Variants in RGL4 observed in about 807,000 individuals in gnomAD.
RGL4 encodes ral guanine nucleotide dissociation stimulator like 4, also known as ral-GDS-related protein.
A neutral mutation model predicts 49.6 loss-of-function variants in RGL4; 41 were observed. The ratio of observed to expected loss-of-function variants is 0.83; its 90% CI spans 0.64 to 1.07. RGL4 has a LOEUF of 1.07. Among genes scored for constraint, RGL4 ranks in the 50% least tolerant of loss-of-function variants. The probability of loss-of-function intolerance (pLI) is 0.00; values close to 1 mark genes in which losing one functional copy is unlikely to be tolerated. For synonymous variants in RGL4, 255 were observed against 238.0 expected, an observed-to-expected ratio of 1.07 and a Z score of -0.66; for missense variants, 610 against 591.9, an observed-to-expected ratio of 1.03 and a Z score of -0.32.
chr22:23,696,780 G>A (rs1267171114), intron 7 of RGL4, 92 bp downstream of exon 7: 2 of 1,145,516 alleles, frequency 1.7e-6, no homozygotes, highest in Non-Finnish European at 2.5e-6. Context: ...CAAGACAGCG[G>A]GGGCTTCCTC....
At position 23,697,230 on chromosome 22, in the gene RGL4, C is replaced by T. The variant is rs1923568734; in HGVS notation, c.1221C>T (p.Ile407=). 1.2e-6 allele frequency: 2 copies of T among 1,613,158 alleles called. No individual in the cohort carries two copies. Among genetic ancestry groups the T allele is most frequent in the African/African-American group, 2.7e-5 (2 of 74,892 alleles). ...LTELQRLDSA[I]PDDLDGNTNK... ...AGTTACAGAGGCTGGATTCGGCCATCCCGGACGACCTGGATGTGAGTGAGC... is the reference window on the plus strand; with the variant it reads ...AGTTACAGAGGCTGGATTCGGCCATTCCGGACGACCTGGATGTGAGTGAGC... Residue 407 remains isoleucine, a synonymous_variant, in exon 8 of 11, where the codon ATC becomes ATT. Coordinates refer to ENST00000290691, the MANE Select transcript of RGL4 (RefSeq NM_153615.2).
rs915224187 is a variant in RGL4, at chr22:23,696,618, G to A, written c.1091G>A (p.Gly364Glu). The A allele has an allele frequency of 1.2e-6, 2 of 1,613,710 alleles. No individual in the cohort carries two copies. Among genetic ancestry groups the A allele is most frequent in the African/African-American group, 2.7e-5 (2 of 74,922 alleles). Residue 364 changes from glycine (G) to glutamate (E), a missense_variant, in exon 7 of 11, where the codon GGG (glycine) becomes GAG (glutamate). Coordinates refer to ENST00000290691, the MANE Select transcript of RGL4 (RefSeq NM_153615.2). ...AVKRDLLIKA[G>E]SFKVATQERN... Reference sequence around the variant, plus strand: ...CCTGTCGCTGACACCTGGCAGGCGGGGAGCTTTAAGGTGGCCACCCAGGAG... The same window carrying A: ...CCTGTCGCTGACACCTGGCAGGCGGAGAGCTTTAAGGTGGCCACCCAGGAG...
At chr22:23,698,819 T>C in intron 10 of RGL4, 25 bp from the exon 11 acceptor site, 1 of 1,602,684 alleles carries the variant, frequency 6.2e-7, no homozygotes, top group Non-Finnish European at 8.5e-7. Context: ...CATGGTGGCC[T>C]CACAGCTGCT....
chr22:23,694,915 C>T (rs1428559554), intron 5 of RGL4, 35 bp from the exon 6 acceptor site: 4 of 1,566,858 alleles, frequency 2.6e-6, no homozygotes, highest in Non-Finnish European at 2.6e-6. Context: ...CCCCTGATTC[C>T]CAAATTTACC....
rs932928207 is a variant in RGL4 at position 23,692,979 on chromosome 22, C to T, written c.684C>T (p.Thr228=). 2.5e-6 allele frequency: 4 copies of T among 1,603,964 alleles called. No individual in the cohort carries two copies. The highest frequency in any genetic ancestry group is 1.7e-5 in the Admixed American group (1 of 59,626). The change falls in exon 3 of 11, where the codon ACC becomes ACT. Residue 228 remains threonine, a synonymous_variant. Coordinates refer to ENST00000290691, the MANE Select transcript of RGL4 (RefSeq NM_153615.2). Reference sequence around the variant, plus strand: ...CCAGGCTGCTGGCAGAGCAGCTGACCCTCATGGATGCGGTGAGCAGCTGAG... The same window carrying T: ...CCAGGCTGCTGGCAGAGCAGCTGACTCTCATGGATGCGGTGAGCAGCTGAG... ...FPPRLLAEQL[T]LMDAELFKKV...
chr22:23,695,272 C>T, intron 6 of RGL4: 1 of 479,456 alleles, frequency 2.1e-6, no homozygotes. Flanking sequence ...TGCTGGGCTG[C>T]TGGGCTGCTG....
At position 23,698,973 on chromosome 22, in the gene RGL4, C is replaced by A. The variant is rs1156364828; in HGVS notation, c.*90C>A. On this transcript the variant is annotated 3_prime_UTR_variant, in exon 11 of 11. Transcript: ENST00000290691. ...CATCCCTCACCCAGACCGTAGACACCAGGGAACCACATCTAGGAGGCTGGC... is the reference window on the plus strand; with the variant it reads ...CATCCCTCACCCAGACCGTAGACACAAGGGAACCACATCTAGGAGGCTGGC... 1.3e-6 allele frequency: 2 copies of A among 1,568,910 alleles called. No homozygotes were observed. Among genetic ancestry groups the A allele is most frequent in the Non-Finnish European group, 1.7e-6 (2 of 1,156,580 alleles).
Position 23,697,856 on chromosome 22 carries a change from A to G in RGL4, c.1255A>G (p.Ser419Gly), listed in dbSNP as rs866037811. ...CTTCCAGGGCAACACCAACAAGAGG[A>G]GCAAGGTGAGCAGCTGGGGCACTCA... is the stretch of plus-strand genomic sequence containing the variant. Reference protein sequence around the residue: ...DDLDGNTNKRSKEVRVLQEMQ... With the variant: ...DDLDGNTNKRGKEVRVLQEMQ... Residue 419 changes from serine to glycine, a missense_variant, in exon 9 of 11, where the codon AGC becomes GGC. Transcript: ENST00000290691. 1 of 1,606,898 alleles carries G rather than the reference A, an allele frequency of 6.2e-7. No individual in the cohort carries two copies. Among genetic ancestry groups the G allele is most frequent in the Admixed American group, 1.7e-5 (1 of 58,610 alleles).
chr22:23,698,656 C>T (rs964586141), intron 10 of RGL4, 188 bp from the exon 11 acceptor site: 25 of 788,844 alleles, frequency 3.2e-5, no homozygotes, highest in Admixed American at 1.3e-4. Flanking sequence ...GTGTGAGCCA[C>T]CCCACCTGGC....
chr22:23,697,563 C>T (rs1031475379), intron 8 of RGL4, among the ~76,000 whole-genome samples: 1 of 152,178 alleles, frequency 6.6e-6, no homozygotes, highest in African/African-American at 2.4e-5. Context: ...TTGAGCCTCT[C>T]CAAGGGCAGG....
At chr22:23,698,525 GGTTGTTCTGCTGTT>G in intron 10 of RGL4, 192 bp downstream of exon 10, 1 of 737,868 alleles carries the variant, frequency 1.4e-6, no homozygotes, top group South Asian at 1.5e-5. Flanking sequence ...CACCATGTCC[GGTTGTTCTGCTGTT>G]GTTGTTCTGG....
rs369567687 is a variant in RGL4 at position 23,694,166 on chromosome 22, C to G, written c.913-181C>G. The G allele has an allele frequency of 1.1e-4, 76 of 714,390 alleles. 1 individual carries two copies. The highest frequency in any genetic ancestry group is 7.1e-4 in the South Asian group (40 of 56,550). The allele number at this position is 714,390 out of a possible 1,614,324, so 44.3% of individuals were successfully genotyped here. On this transcript the variant is annotated intron_variant, in intron 4 of 10. Coordinates refer to ENST00000290691, the MANE Select transcript of RGL4 (RefSeq NM_153615.2). ...TGGCTGCTCACTTCCGACCTGGGGTCTTCCTTGGGTTGAACTAAAATCCTC... is the reference window on the plus strand; with the variant it reads ...TGGCTGCTCACTTCCGACCTGGGGTGTTCCTTGGGTTGAACTAAAATCCTC...
chr22:23,697,242 G>A lies in RGL4; in HGVS notation c.1233G>A (p.Leu411=). Residue 411 remains leucine (L), a synonymous_variant, in exon 8 of 11, where the codon CTG becomes CTA. Coordinates refer to ENST00000290691, the MANE Select transcript of RGL4 (RefSeq NM_153615.2). ...TGGATTCGGCCATCCCGGACGACCT[G>A]GATGTGAGTGAGCCTGGGGCAGGGT... ...QRLDSAIPDD[L]DGNTNKRSKE... 1 of 1,612,926 alleles carries A rather than the reference G, an allele frequency of 6.2e-7. No homozygotes were observed. The highest frequency in any genetic ancestry group is 8.5e-7 in the Non-Finnish European group (1 of 1,179,062).
In RGL4 at chr22:23,696,619, G is replaced by T; in HGVS notation, c.1092G>T (p.Gly364=). The T allele has an allele frequency of 1.9e-6, 3 of 1,613,860 alleles. No homozygotes were observed. The highest frequency in any genetic ancestry group is 2.5e-6 in the Non-Finnish European group (3 of 1,179,904). Residue 364 remains glycine (G), a synonymous_variant, in exon 7 of 11, where the codon GGG becomes GGT. Coordinates refer to ENST00000290691, the MANE Select transcript of RGL4 (RefSeq NM_153615.2). ...AVKRDLLIKA[G]SFKVATQERN... ...CTGTCGCTGACACCTGGCAGGCGGG[G>T]AGCTTTAAGGTGGCCACCCAGGAGA...
At position 23,694,416 on chromosome 22, in the gene RGL4, G is replaced by A; in HGVS notation, c.982G>A (p.Gly328Ser). ...IVSALCSNPI[G>S]QLHKTWAGVS... is the part of the protein sequence containing the mutation. ...CTCTGCTCTGTGCAGCAACCCAATA[G>A]GTCAGCTACACAAGACGTGGGCAGG... Residue 328 changes from glycine (G) to serine (S), a missense_variant, in exon 5 of 11, where the codon GGT becomes AGT. Gly to Ser is a moderately conservative substitution (Grantham distance 56). Coordinates refer to ENST00000290691, the MANE Select transcript of RGL4 (RefSeq NM_153615.2). 2 of 1,613,958 alleles carry A rather than the reference G, an allele frequency of 1.2e-6. No individual in the cohort carries two copies. The highest frequency in any genetic ancestry group is 1.7e-6 in the Non-Finnish European group (2 of 1,179,924).
intron 7 of RGL4, 35 bp from the exon 8 acceptor site, chr22:23,697,133 CACT>C: frequency 6.6e-7 from 1 of 1,505,218 alleles, no homozygotes; most frequent in Non-Finnish European, 9.2e-7. Context: ...TACTCATCAC[CACT>C]ACCCCTCCCA....
At chr22:23,695,271 G>T in intron 6 of RGL4, 1 of 479,532 alleles carries the variant, frequency 2.1e-6, no homozygotes, top group Non-Finnish European at 3.9e-6. Context: ...CTGCTGGGCT[G>T]CTGGGCTGCT....
At chr22:23,698,652 G>C (rs1485090844) in intron 10 of RGL4, 192 bp from the exon 11 acceptor site, 20 of 779,180 alleles carry the variant, frequency 2.6e-5, no homozygotes, top group Non-Finnish European at 8.5e-6. Flanking sequence ...ACAGGTGTGA[G>C]CCACCCCACC....
At chr22:23,698,110 T>G in intron 9 of RGL4, 102 bp from the exon 10 acceptor site, 1 of 1,487,188 alleles carries the variant, frequency 6.7e-7, no homozygotes, top group Non-Finnish European at 9.1e-7. Flanking sequence ...TGGGACCCCT[T>G]CAGAAAACTG....
Sources: allele counts gnomAD v4.1 joint callset (sites outside exome capture counted in the v4.1 genomes callset), GRCh38; gene constraint gnomAD v4.1.1; transcripts MANE v1.5; gene names NCBI Gene and HGNC (gene_info 2026-07-23, HGNC 2026-07-21).